LRP1B: variants seen among roughly 807,000 people sequenced by gnomAD.
LRP1B encodes the protein LDL receptor related protein 1B.
In LRP1B, 217 loss-of-function variants were observed where a neutral mutation model predicts 556.6. That is an observed-to-expected ratio of 0.39 (90% CI 0.35 to 0.44). The LOEUF (loss-of-function observed/expected upper bound fraction) is 0.44. Among genes scored for constraint, LRP1B ranks in the 20% least tolerant of loss-of-function variants. LRP1B has a pLI of 1.00. For missense variants in LRP1B, 5,053 were observed against 5,620.8 expected (o/e 0.90, Z 3.23); for synonymous variants, 2,047 against 1,865.8 (o/e 1.10, Z -2.50).
At position 141,124,762 on chromosome 2, in the gene LRP1B, G is replaced by C. The variant is rs182407693; in HGVS notation, c.1014-62489C>G. 2.8e-3 allele frequency among the ~76,000 whole-genome samples: 428 copies of C among 151,262 alleles called. 3 individuals carry two copies. The highest frequency in any genetic ancestry group is 5.2e-3 in the South Asian group (25 of 4,786). On this transcript the variant is annotated intron_variant, in intron 7 of 90. Coordinates refer to ENST00000389484, the MANE Select transcript of LRP1B (RefSeq NM_018557.3). ...AAATTCAGCCAATTTTTCATATTTTGAAAAACATTTAAAAGCAGCTTTGTT... is the reference window on the plus strand; with the variant it reads ...AAATTCAGCCAATTTTTCATATTTTCAAAAACATTTAAAAGCAGCTTTGTT...
intron 43 of LRP1B, among the ~76,000 whole-genome samples, chr2:140,559,011 G>T (rs1480804479): frequency 6.6e-6 from 1 of 151,446 alleles, no homozygotes; most frequent in Non-Finnish European, 1.5e-5. Context: ...ATAAGTATAG[G>T]CTACAATATC....
chr2:141,805,340 T>A (rs1696136840), intron 2 of LRP1B: 1 of 152,158 alleles, frequency 6.6e-6, no homozygotes, highest in Admixed American at 6.6e-5. Flanking sequence ...TATCCACTTT[T>A]GCAACTTTTT....
chr2:142,043,878 A>G (rs1273478107), intron 1 of LRP1B, among the ~76,000 whole-genome samples: 9 of 151,750 alleles, frequency 5.9e-5, no homozygotes, highest in Non-Finnish European at 1.5e-5. Context: ...CCAAAAGGCC[A>G]TAGAATACAA....
chr2:141,226,422 T>C (rs1485323139), intron 6 of LRP1B, among the ~76,000 whole-genome samples: 1 of 152,164 alleles, frequency 6.6e-6, no homozygotes, highest in Non-Finnish European at 1.5e-5. Context: ...AATATTGCAA[T>C]AAAATATTTA....
intron 27 of LRP1B, among the ~76,000 whole-genome samples, chr2:140,865,634 T>G (rs906534128): frequency 6.6e-6 from 1 of 152,046 alleles, no homozygotes; most frequent in African/African-American, 2.4e-5. Flanking sequence ...CTGATCACTC[T>G]CAAAATTGCA....
intron 41 of LRP1B, among the ~76,000 whole-genome samples, chr2:140,607,519 G>T (rs1250927044): frequency 2.0e-5 from 3 of 151,962 alleles, no homozygotes; most frequent in African/African-American, 7.2e-5. Flanking sequence ...AAACAGCCCA[G>T]ATGTCAATCA....
At chr2:141,688,512 C>A (rs936696027) in intron 2 of LRP1B, among the ~76,000 whole-genome samples, 4 of 151,802 alleles carry the variant, frequency 2.6e-5, no homozygotes, top group African/African-American at 4.8e-5. Context: ...AATATGAAGT[C>A]AAGCAAGTTG....
intron 15 of LRP1B, among the ~76,000 whole-genome samples, chr2:140,998,106 G>A (rs188638255): frequency 8.5e-5 from 13 of 152,162 alleles, no homozygotes; most frequent in African/African-American, 3.1e-4. Context: ...CCATAGTGAA[G>A]TCCTGTTTCT....
chr2:140,922,669 CAAAT>C (rs1344675521), intron 21 of LRP1B, among the ~76,000 whole-genome samples: 1 of 151,824 alleles, frequency 6.6e-6, no homozygotes, highest in Non-Finnish European at 1.5e-5. Flanking sequence ...AATAAATAAA[CAAAT>C]AAATTAATTA....
intron 43 of LRP1B, among the ~76,000 whole-genome samples, chr2:140,565,992 C>T (rs147338802): frequency 3.3e-5 from 5 of 152,176 alleles, no homozygotes; most frequent in South Asian, 2.1e-4. Flanking sequence ...GGCTATGCTT[C>T]CCCCAGAGAA....
chr2:140,233,042 C>A lies in LRP1B; in HGVS notation c.*144G>T. 3.9e-6 allele frequency: 2 copies of A among 511,778 alleles called. No homozygotes were observed. The highest frequency in any genetic ancestry group is 3.4e-5 in the East Asian group (1 of 29,718). The allele number at this position is 511,778 out of a possible 1,614,324, so 31.7% of individuals were successfully genotyped here. A position where few individuals can be genotyped will look rare whatever the true frequency, so the allele number is the denominator to read the frequency against. ...AATAGTCATCAGCAAAAAATAAAAC[C>A]CAAAAAACTCAGAAAACAATTAACC... On this transcript the variant is annotated 3_prime_UTR_variant, in exon 91 of 91. Transcript: ENST00000389484.
chr2:140,900,608 A>G (rs1694076022), intron 23 of LRP1B, among the ~76,000 whole-genome samples: 1 of 152,222 alleles, frequency 6.6e-6, no homozygotes. Flanking sequence ...CTGAAAGAAT[A>G]TAGTATCTAT....
intron 62 of LRP1B, among the ~76,000 whole-genome samples, chr2:140,451,260 A>G (rs1472442522): frequency 6.6e-6 from 1 of 152,178 alleles, no homozygotes; most frequent in Non-Finnish European, 1.5e-5. Flanking sequence ...GGCTACTTGT[A>G]CACTACAGCA....
intron 3 of LRP1B, among the ~76,000 whole-genome samples, chr2:141,264,837 T>C (rs1012089765): frequency 7.9e-5 from 12 of 152,194 alleles, no homozygotes; most frequent in African/African-American, 2.9e-4. Context: ...CCATTTGCTT[T>C]TTTCCTAGAC....
intron 7 of LRP1B, among the ~76,000 whole-genome samples, chr2:141,166,550 CTTAG>C (rs1357494937): frequency 1.3e-5 from 2 of 151,746 alleles, no homozygotes; most frequent in African/African-American, 2.4e-5. Context: ...CATTTATACT[CTTAG>C]TTATTTTAAA....
Position 141,288,349 on chromosome 2 carries a change from T to A in LRP1B, c.344-33708A>T, listed in dbSNP as rs948283705. Among the ~76,000 whole-genome samples, 9 of 152,160 alleles carry A rather than the reference T, an allele frequency of 5.9e-5. No individual in the cohort carries two copies. The East Asian group carries it at 1.7e-3, about 29-fold the overall frequency. On this transcript the variant is annotated intron_variant, in intron 3 of 90. Coordinates refer to ENST00000389484, the MANE Select transcript of LRP1B (RefSeq NM_018557.3). Reference sequence around the variant, plus strand: ...GCTGGAAGAAAGAAGTTAACATTAATCATAATTAACAGCCTTAAATAGAGC... The same window carrying A: ...GCTGGAAGAAAGAAGTTAACATTAAACATAATTAACAGCCTTAAATAGAGC...
Position 140,909,985 on chromosome 2 carries a change from C to G in LRP1B, c.3320-1908G>C, listed in dbSNP as rs149510303. On this transcript the variant is annotated intron_variant, in intron 21 of 90. Coordinates refer to ENST00000389484, the MANE Select transcript of LRP1B (RefSeq NM_018557.3). The stretch of plus-strand genomic sequence containing the variant: ...GATATTATTTGGTCTTGGATTAGTA[C>G]AGATAATAATTTTCTCTTAAACAAT... Among the ~76,000 whole-genome samples the G allele has an allele frequency of 2.7e-3, 399 of 150,456 alleles. 1 individual carries two copies. The highest frequency in any genetic ancestry group is 9.5e-3 in the African/African-American group (391 of 41,296).
chr2:141,807,533 C>T (rs1046551103), intron 2 of LRP1B, among the ~76,000 whole-genome samples: 1 of 151,954 alleles, frequency 6.6e-6, no homozygotes, highest in Admixed American at 6.6e-5. Flanking sequence ...ATTTTGGATC[C>T]ATCAAATGTT....
intron 17 of LRP1B, among the ~76,000 whole-genome samples, chr2:140,984,919 A>G (rs1056670003): frequency 2.0e-5 from 3 of 152,122 alleles, no homozygotes; most frequent in Admixed American, 2.0e-4. Flanking sequence ...AGTTGACTAA[A>G]TTATCACTTT....
Sources: allele counts gnomAD v4.1 joint callset (sites outside exome capture counted in the v4.1 genomes callset), GRCh38; gene constraint gnomAD v4.1.1; transcripts MANE v1.5; gene names NCBI Gene and HGNC (gene_info 2026-07-23, HGNC 2026-07-21).